The following MARCHF8 variants were observed in gnomAD, a reference collection of about 807,000 sequenced individuals.
MARCHF8 encodes E3 ubiquitin-protein ligase MARCHF8.
Under a neutral mutation model 51.6 loss-of-function variants are expected in MARCHF8, and 40 were observed. That is an observed-to-expected ratio of 0.77 (90% CI 0.60 to 1.01). The LOEUF (loss-of-function observed/expected upper bound fraction) is 1.01, where lower values mean the gene tolerates loss of function less well. MARCHF8 is among the 50% of genes least tolerant of loss of function. The pLI, the probability that MARCHF8 is intolerant of heterozygous loss-of-function variation, is 0.00. For missense variants in MARCHF8, 685 were observed against 708.6 expected, an observed-to-expected ratio of 0.97 and a Z score of 0.38; for synonymous variants, 263 against 280.3, an observed-to-expected ratio of 0.94 and a Z score of 0.62.
chr10:45,579,430 A>ATTAT (rs1335601795), intron 1 of MARCHF8, among the ~76,000 whole-genome samples: 1 of 137,030 alleles, frequency 7.3e-6, no homozygotes, highest in Non-Finnish European at 1.6e-5. Flanking sequence ...CAAGCTATAT[A>ATTAT]AAGCAAATTT....
At chr10:45,482,170 C>T (rs968159431) in intron 3 of MARCHF8, among the ~76,000 whole-genome samples, 1 of 152,102 alleles carries the variant, frequency 6.6e-6, no homozygotes, top group Non-Finnish European at 1.5e-5. Flanking sequence ...GAAGAGGACA[C>T]GAACAAATTG....
At chr10:45,543,429 A>G (rs2044079029) in intron 1 of MARCHF8, among the ~76,000 whole-genome samples, 1 of 152,224 alleles carries the variant, frequency 6.6e-6, no homozygotes, top group African/African-American at 2.4e-5. Context: ...TTTGCACTTT[A>G]AAAGATACCA....
At chr10:45,524,702 C>T (rs573020543) in intron 2 of MARCHF8, among the ~76,000 whole-genome samples, 1 of 152,260 alleles carries the variant, frequency 6.6e-6, no homozygotes, top group East Asian at 1.9e-4. Flanking sequence ...GGATTTTTAT[C>T]CTGCAGAATA....
At chr10:45,512,016 C>T (rs1421438444) in intron 2 of MARCHF8, among the ~76,000 whole-genome samples, 1 of 150,996 alleles carries the variant, frequency 6.6e-6, no homozygotes, top group African/African-American at 2.4e-5. Flanking sequence ...CGCCTCTTCC[C>T]GGCCGTCATC....
chr10:45,493,476 C>A (rs1316228526), intron 2 of MARCHF8, among the ~76,000 whole-genome samples: 1 of 152,216 alleles, frequency 6.6e-6, no homozygotes, highest in Non-Finnish European at 1.5e-5. Flanking sequence ...ATCTCCACAT[C>A]TCTCTGGTGG....
chr10:45,498,483 G>A, intron 2 of MARCHF8, among the ~76,000 whole-genome samples: 1 of 139,050 alleles, frequency 7.2e-6, no homozygotes, highest in Admixed American at 7.5e-5. Context: ...TGTGTCAGAA[G>A]CCTTTTTTTT....
chr10:45,561,908 A>G (rs984045070), intron 1 of MARCHF8, among the ~76,000 whole-genome samples: 3 of 150,908 alleles, frequency 2.0e-5, no homozygotes, highest in Non-Finnish European at 4.4e-5. Flanking sequence ...CTCAAAAAAA[A>G]AAAAAAAAAA....
At chr10:45,472,188 C>G (rs996980514) in intron 3 of MARCHF8, among the ~76,000 whole-genome samples, 2 of 152,194 alleles carry the variant, frequency 1.3e-5, no homozygotes, top group Non-Finnish European at 2.9e-5. Flanking sequence ...ACATTCCAAC[C>G]CAGCATGATG....
chr10:45,486,429 T>C (rs12415540), intron 3 of MARCHF8, among the ~76,000 whole-genome samples: 7 of 152,152 alleles, frequency 4.6e-5, no homozygotes, highest in Admixed American at 2.6e-4. Flanking sequence ...CTGGGCGTGG[T>C]GGCACGCACC....
intron 1 of MARCHF8, among the ~76,000 whole-genome samples, chr10:45,548,747 A>G (rs1037918529): frequency 2.0e-5 from 3 of 152,116 alleles, no homozygotes; most frequent in Non-Finnish European, 2.9e-5. Flanking sequence ...TCATGCCTGT[A>G]ATCTTCGGGA....
At chr10:45,487,290 A>T (rs757407023) in intron 3 of MARCHF8, among the ~76,000 whole-genome samples, 2 of 152,178 alleles carry the variant, frequency 1.3e-5, no homozygotes, top group Non-Finnish European at 2.9e-5. Flanking sequence ...GTTTGCAAAC[A>T]GTTTTTTTTA....
intron 2 of MARCHF8, among the ~76,000 whole-genome samples, chr10:45,491,060 T>A (rs550567529): frequency 3.9e-5 from 6 of 152,192 alleles, no homozygotes; most frequent in Non-Finnish European, 7.3e-5. Flanking sequence ...TGTGCCACCA[T>A]GTCTGACTAA....
chr10:45,555,294 G>T lies in MARCHF8; in HGVS notation c.-78-22005C>A, dbSNP rs188013100. ...TAACTGTGGCTGGGTAAACTGGTTT[G>T]TGCCTTATAGTCCCAGCTACCTGGG... On this transcript the variant is annotated intron_variant, in intron 1 of 6. Transcript: ENST00000319836. Among the ~76,000 whole-genome samples, 26 of 151,954 alleles carry T rather than the reference G, an allele frequency of 1.7e-4. No homozygotes were observed. In the East Asian group the frequency reaches 4.5e-3, roughly 26 times the overall value.
At chr10:45,566,908 T>G (rs1169195049) in intron 1 of MARCHF8, among the ~76,000 whole-genome samples, 1 of 152,182 alleles carries the variant, frequency 6.6e-6, no homozygotes, top group Non-Finnish European at 1.5e-5. Context: ...ACCAACAGTG[T>G]ATGAGGGTTT....
Position 45,511,414 on chromosome 10 carries a change from G to A in MARCHF8, c.102+21696C>T, listed in dbSNP as rs370230735. Among the ~76,000 whole-genome samples, 6 of 151,124 alleles carry A rather than the reference G, an allele frequency of 4.0e-5. No individual in the cohort carries two copies. The South Asian group carries it at 1.0e-3, about 26-fold the overall frequency. ...CCCTCTCCCTCTCCCCACGGCCCAC[G>A]GTCTCCCTCTCCCTCTCTTTCCACG... On this transcript the variant is annotated intron_variant, in intron 2 of 7. Transcript: ENST00000453424.
At chr10:45,576,304 T>C (rs1589190913) in intron 1 of MARCHF8, among the ~76,000 whole-genome samples, 1 of 152,294 alleles carries the variant, frequency 6.6e-6, no homozygotes, top group Admixed American at 6.5e-5. Flanking sequence ...GGATATCCAA[T>C]ACAGAACAAT....
chr10:45,530,637 C>G (rs1275866095), intron 2 of MARCHF8, among the ~76,000 whole-genome samples: 1 of 151,960 alleles, frequency 6.6e-6, no homozygotes, highest in East Asian at 1.9e-4. Flanking sequence ...AAAAACTTAT[C>G]CAGGCATGGT....
chr10:45,484,957 T>C (rs1172119239), intron 3 of MARCHF8, among the ~76,000 whole-genome samples: 2 of 151,024 alleles, frequency 1.3e-5, no homozygotes, highest in African/African-American at 4.9e-5. Flanking sequence ...AAGAGAAGCA[T>C]TAGGAATTCT....
intron 1 of MARCHF8, among the ~76,000 whole-genome samples, chr10:45,543,626 G>T (rs770147428): frequency 3.3e-5 from 5 of 151,016 alleles, no homozygotes; most frequent in Non-Finnish European, 7.4e-5. Context: ...GTGAAACCCT[G>T]TCTTTACTAA....
Sources: gnomAD v4.1 joint callset for allele counts (sites outside exome capture counted in the v4.1 genomes callset) on GRCh38, gnomAD v4.1.1 for gene constraint, MANE v1.5 for transcripts, NCBI Gene and HGNC (gene_info 2026-07-23, HGNC 2026-07-21) for gene names.